Variants in SLC26A8 observed in about 807,000 individuals in gnomAD.
SLC26A8 encodes the protein solute carrier family 26 member 8.
In SLC26A8, 70 loss-of-function variants were observed where a neutral mutation model predicts 105.0. The observed-to-expected ratio is 0.67, with a 90% CI of 0.55 to 0.81. The LOEUF (loss-of-function observed/expected upper bound fraction) is 0.81. Among genes scored for constraint, SLC26A8 ranks in the 40% least tolerant of loss-of-function variants. The pLI is 0.00. For missense variants in SLC26A8, 998 were observed against 1,181.8 expected (o/e 0.84, Z 2.28); for synonymous variants, 415 against 438.3 (o/e 0.95, Z 0.66).
chr6:35,992,429 G>A, intron 6 of SLC26A8, 81 bp downstream of exon 6: 3 of 1,424,682 alleles, frequency 2.1e-6, no homozygotes, highest in Non-Finnish European at 1.9e-6. Flanking sequence ...AGGGGCGGGA[G>A]TCTCCCTACT....
chr6:35,961,414 A>G lies in SLC26A8; in HGVS notation c.1462-315T>C, dbSNP rs150777935. Among the ~76,000 whole-genome samples the G allele has an allele frequency of 2.7e-3, 417 of 152,352 alleles. 5 individuals are homozygous for G. The highest frequency in any genetic ancestry group is 9.6e-3 in the African/African-American group (398 of 41,582). On this transcript the variant is annotated intron_variant, in intron 12 of 19. Transcript: ENST00000490799. ...ATTAGGAATACCATTTGCAAAGCCA[A>G]CTAGAATACTCACCAAATGGTAGTT...
At chr6:35,998,680 T>C (rs1761432447) in intron 4 of SLC26A8, among the ~76,000 whole-genome samples, 1 of 152,152 alleles carries the variant, frequency 6.6e-6, no homozygotes, top group African/African-American at 2.4e-5. Context: ...GTCCTCATAT[T>C]GTCATAACAC....
intron 4 of SLC26A8, among the ~76,000 whole-genome samples, chr6:35,999,310 G>A (rs1029063735): frequency 1.3e-5 from 2 of 148,154 alleles, no homozygotes; most frequent in Non-Finnish European, 2.9e-5. Context: ...AAATGTTGGT[G>A]GATTGGTCAG....
At chr6:35,985,583 C>T (rs552357927) in intron 7 of SLC26A8, among the ~76,000 whole-genome samples, 1 of 151,072 alleles carries the variant, frequency 6.6e-6, no homozygotes. Context: ...ATCCCAGCTA[C>T]TCGGGAGGCT....
At chr6:35,945,748 A>G (rs1323415164) in intron 19 of SLC26A8, among the ~76,000 whole-genome samples, 1 of 152,030 alleles carries the variant, frequency 6.6e-6, no homozygotes. Context: ...TCCTTACTAG[A>G]CTCTAAGCTC....
rs199880055 is a variant in SLC26A8 at position 36,012,311 on chromosome 6, A to G, written c.250T>C (p.Cys84Arg). Residue 84 changes from cysteine (C) to arginine (R), a missense_variant, in exon 3 of 20, where the codon TGT becomes CGT. Coordinates refer to ENST00000490799, the MANE Select transcript of SLC26A8 (RefSeq NM_052961.4). The stretch of plus-strand genomic sequence containing the variant: ...AGCCAATCCTTTAATCGATACATAC[A>G]CATCCATTCTAGGAAGGGAAAGATT... The part of the protein sequence containing the change: ...LTIFPFLEWM[C>R]MYRLKDWLLG... 5.1e-4 allele frequency: 826 copies of G among 1,610,528 alleles called. 2 individuals carry two copies. Among genetic ancestry groups the G allele is most frequent in the Non-Finnish European group, 6.3e-4 (744 of 1,178,838 alleles).
chr6:35,975,519 C>A, intron 9 of SLC26A8, 31 bp from the exon 10 acceptor site: 1 of 1,411,002 alleles, frequency 7.1e-7, no homozygotes, highest in Non-Finnish European at 9.8e-7. Flanking sequence ...CTTTAGGCCC[C>A]CGTTTTTGTT....
chr6:35,963,538 C>T (rs1297677679), intron 11 of SLC26A8, among the ~76,000 whole-genome samples: 1 of 152,200 alleles, frequency 6.6e-6, no homozygotes, highest in Non-Finnish European at 1.5e-5. Flanking sequence ...CAAACCTATA[C>T]TATTGTCAGT....
At chr6:35,946,582 A>G (rs1771684401) in intron 19 of SLC26A8, among the ~76,000 whole-genome samples, 2 of 152,172 alleles carry the variant, frequency 1.3e-5, no homozygotes, top group Non-Finnish European at 2.9e-5. Context: ...CTCCTCTCCT[A>G]GTCTTCCCTG....
At chr6:36,016,756 G>A (rs1762004354) in intron 2 of SLC26A8, among the ~76,000 whole-genome samples, 2 of 152,166 alleles carry the variant, frequency 1.3e-5, no homozygotes, top group Admixed American at 1.3e-4. Context: ...ATATCTACAT[G>A]TAAAAGAATA....
Position 35,955,450 on chromosome 6 carries a change from G to C in SLC26A8, c.1934C>G (p.Ser645Ter). 6.2e-7 allele frequency: 1 copy of C among 1,614,174 alleles called. No individual in the cohort carries two copies. The highest frequency in any genetic ancestry group is 1.3e-5 in the African/African-American group (1 of 75,028). ...GCTTGTGTTCATGCTCTCAAAATGT[G>C]AGCAGTGAATCAGGTTAATGGAGGA... The part of the protein sequence containing the change: ...EASSINLIHC[S>*]HFESMNTSQT... Residue 645 changes from serine to a stop codon, truncating the protein, a stop_gained, in exon 17 of 20, where the codon TCA becomes TGA. Transcript: ENST00000490799. LOFTEE classifies it high-confidence loss of function.
intron 7 of SLC26A8, chr6:35,989,900 T>TG (rs1773683984): frequency 6.8e-6 from 1 of 148,094 alleles, no homozygotes; most frequent in East Asian, 2.0e-4. Context: ...TTCTGTTTTT[T>TG]TTTTGTTTGT....
intron 19 of SLC26A8, 57 bp from the exon 20 acceptor site, chr6:35,944,397 G>A (rs115259117): frequency 0.011 from 13,610 of 1,254,504 alleles, 91 homozygotes; most frequent in Non-Finnish European, 0.013. Flanking sequence ...TCTGCTGAAC[G>A]CAGTGGCTCA....
At chr6:35,985,784 G>C (rs535465054) in intron 7 of SLC26A8, among the ~76,000 whole-genome samples, 5 of 151,022 alleles carry the variant, frequency 3.3e-5, no homozygotes, top group African/African-American at 1.2e-4. Flanking sequence ...GCCTCCTAAG[G>C]TGCCAGAGAT....
intron 11 of SLC26A8, among the ~76,000 whole-genome samples, chr6:35,968,031 A>G (rs547492400): frequency 6.6e-6 from 1 of 152,112 alleles, no homozygotes; most frequent in South Asian, 2.1e-4. Context: ...TATTTTTAGT[A>G]GAGACGGGGT....
At chr6:36,019,489 C>A in intron 2 of SLC26A8, 31 bp downstream of exon 2, 2 of 1,599,592 alleles carry the variant, frequency 1.3e-6, no homozygotes, top group East Asian at 4.5e-5. Context: ...CTGCCCGGCT[C>A]GGCAGCAGGT....
intron 2 of SLC26A8, among the ~76,000 whole-genome samples, chr6:36,014,531 A>G (rs1340066578): frequency 6.6e-6 from 1 of 152,136 alleles, no homozygotes; most frequent in African/African-American, 2.4e-5. Context: ...AGCTATTAAG[A>G]GGTTTTCTGC....
At chr6:35,978,942 T>C (rs1226205434) in intron 8 of SLC26A8, among the ~76,000 whole-genome samples, 1 of 147,790 alleles carries the variant, frequency 6.8e-6, no homozygotes, top group Non-Finnish European at 1.5e-5. Context: ...CCTTCCTCAA[T>C]AAATCCTCCC....
intron 8 of SLC26A8, among the ~76,000 whole-genome samples, chr6:35,979,708 T>C (rs1012860018): frequency 6.6e-6 from 1 of 152,192 alleles, no homozygotes; most frequent in Non-Finnish European, 1.5e-5. Flanking sequence ...TTTAGTATGA[T>C]AACAACATAA....
Sources: allele counts gnomAD v4.1 joint callset (sites outside exome capture counted in the v4.1 genomes callset), GRCh38; gene constraint gnomAD v4.1.1; transcripts MANE v1.5; gene names NCBI Gene and HGNC (gene_info 2026-07-23, HGNC 2026-07-21).